The following KALRN variants were observed in gnomAD, a reference collection of about 807,000 sequenced individuals.
KALRN encodes the protein kalirin.
KALRN carries 70 observed loss-of-function variants against 353.7 expected under a neutral mutation model. The ratio of observed to expected loss-of-function variants is 0.20; its 90% CI spans 0.16 to 0.24. The LOEUF (loss-of-function observed/expected upper bound fraction) is 0.24, where lower values mean the gene tolerates loss of function less well. KALRN is among the 10% of genes least tolerant of loss of function. The probability of loss-of-function intolerance (pLI) is 1.00; values close to 1 mark genes in which losing one functional copy is unlikely to be tolerated. For missense variants in KALRN, 2,791 were observed against 3,756.7 expected (o/e 0.74, Z 6.72); for synonymous variants, 1,391 against 1,434.8 (o/e 0.97, Z 0.69).
At chr3:124,112,273 A>G (rs1328205240) in intron 1 of KALRN, among the ~76,000 whole-genome samples, 1 of 146,530 alleles carries the variant, frequency 6.8e-6, no homozygotes, top group African/African-American at 2.5e-5. Context: ...ACTGCACTCT[A>G]GCCTGGGCTA....
chr3:124,331,858 G>C (rs1223159714), intron 8 of KALRN, among the ~76,000 whole-genome samples: 1 of 152,152 alleles, frequency 6.6e-6, no homozygotes, highest in Non-Finnish European at 1.5e-5. Flanking sequence ...CCAGTGAGCT[G>C]TCCATGCTTC....
chr3:124,117,319 T>TG (rs990796618), intron 1 of KALRN, among the ~76,000 whole-genome samples: 2 of 145,952 alleles, frequency 1.4e-5, no homozygotes, highest in African/African-American at 5.6e-5. Flanking sequence ...AGAAAAACAG[T>TG]GTTTTTTTTT....
At chr3:124,239,977 T>G (rs17286876) in intron 3 of KALRN, among the ~76,000 whole-genome samples, 16,677 of 152,272 alleles carry the variant, frequency 0.11, 995 homozygotes, top group South Asian at 0.16. Context: ...TACATTTCCC[T>G]AAAACATACC....
chr3:124,561,918 A>G (rs2072080110), intron 33 of KALRN, among the ~76,000 whole-genome samples: 3 of 152,252 alleles, frequency 2.0e-5, no homozygotes, highest in Non-Finnish European at 1.5e-5. Context: ...ATATGAAGCC[A>G]GAAGAAAGGG....
intron 34 of KALRN, among the ~76,000 whole-genome samples, chr3:124,586,315 C>A (rs1265841785): frequency 6.6e-6 from 1 of 152,200 alleles, no homozygotes; most frequent in African/African-American, 2.4e-5. Flanking sequence ...GCTTTCCCCG[C>A]AAAGAGTTTC....
chr3:124,203,162 C>T (rs1339527632), intron 1 of KALRN, among the ~76,000 whole-genome samples: 1 of 152,200 alleles, frequency 6.6e-6, no homozygotes, highest in Non-Finnish European at 1.5e-5. Flanking sequence ...GGTCATCAAG[C>T]TTCCAATTAG....
At chr3:124,678,402 A>AC in intron 50 of KALRN, 89 bp downstream of exon 50, 6 of 1,191,468 alleles carry the variant, frequency 5.0e-6, no homozygotes, top group Non-Finnish European at 6.8e-6. Context: ...TGGATGGGTT[A>AC]TTTTTTTTTT....
chr3:124,539,923 G>GGA (rs1554023325), intron 33 of KALRN, among the ~76,000 whole-genome samples: 6 of 64,018 alleles, frequency 9.4e-5, no homozygotes, highest in Non-Finnish European at 1.9e-4. Flanking sequence ...AATTTTTTTT[G>GGA]GGGGGGGGGA....
At chr3:124,427,186 G>A (rs1479350227) in intron 15 of KALRN, among the ~76,000 whole-genome samples, 1 of 152,194 alleles carries the variant, frequency 6.6e-6, no homozygotes, top group Non-Finnish European at 1.5e-5. Context: ...CAGCCAACAG[G>A]ACAAGTACTA....
chr3:124,621,523 A>G (rs2079268789), intron 34 of KALRN, among the ~76,000 whole-genome samples: 1 of 152,218 alleles, frequency 6.6e-6, no homozygotes. Flanking sequence ...AAGATGGAAT[A>G]TTCTGAGCCA....
At chr3:124,104,947 A>T (rs1191371722) in intron 1 of KALRN, among the ~76,000 whole-genome samples, 1 of 152,128 alleles carries the variant, frequency 6.6e-6, no homozygotes. Context: ...GCTAAAGAAA[A>T]GGGGGCAGGT....
At chr3:124,464,869 A>C (rs894002001) in intron 25 of KALRN, among the ~76,000 whole-genome samples, 2 of 151,720 alleles carry the variant, frequency 1.3e-5, no homozygotes, top group South Asian at 2.1e-4. Flanking sequence ...AAAAAAAAAA[A>C]AAAAAAACCT....
chr3:124,294,564 C>T (rs1035390153), intron 5 of KALRN, among the ~76,000 whole-genome samples: 1 of 113,398 alleles, frequency 8.8e-6, no homozygotes, highest in African/African-American at 3.5e-5. Flanking sequence ...TCGCACTGTT[C>T]CCTGGGCTAG....
In KALRN at chr3:124,720,189, A is replaced by T. The variant is rs887565973; in HGVS notation, c.*719A>T. ...CAATGTTGCCCTTTTGAATGAGAAA[A>T]TTTTTTCTGTCAATCGCAGGTTATT... On this transcript the variant is annotated 3_prime_UTR_variant, in exon 60 of 60. Coordinates refer to ENST00000682506, the MANE Select transcript of KALRN (RefSeq NM_001388419.1). 1 of 152,388 alleles carries T rather than the reference A, an allele frequency of 6.6e-6. No individual in the cohort carries two copies. Among genetic ancestry groups the T allele is most frequent in the Non-Finnish European group, 1.5e-5 (1 of 67,990 alleles). The allele number at this position is 152,388 out of a possible 1,614,324, so 9.4% of individuals were successfully genotyped here.
chr3:124,128,378 T>C (rs1245926923), intron 1 of KALRN, among the ~76,000 whole-genome samples: 1 of 152,214 alleles, frequency 6.6e-6, no homozygotes, highest in African/African-American at 2.4e-5. Flanking sequence ...TATTAAAAGA[T>C]ATTTGGACCT....
At chr3:124,689,434 C>T (rs956624997) in intron 51 of KALRN, among the ~76,000 whole-genome samples, 2 of 152,108 alleles carry the variant, frequency 1.3e-5, no homozygotes, top group African/African-American at 4.8e-5. Context: ...TTGAACTAAG[C>T]TCAAGTGATC....
At chr3:124,661,964 C>T (rs1407515479) in intron 45 of KALRN, 36 bp downstream of exon 45, 2 of 1,544,580 alleles carry the variant, frequency 1.3e-6, no homozygotes, top group African/African-American at 1.4e-5. Context: ...CCCACTCTCT[C>T]CAGGACAATA....
chr3:124,422,430 G>A (rs1192334427), intron 14 of KALRN, among the ~76,000 whole-genome samples: 1 of 152,096 alleles, frequency 6.6e-6, no homozygotes, highest in Non-Finnish European at 1.5e-5. Context: ...CAGTCTTTTG[G>A]TTTGGTTTTT....
Position 124,678,244 on chromosome 3 carries a change from C to G in KALRN, c.7248C>G (p.Asn2416Lys). 6.2e-7 allele frequency: 1 copy of G among 1,614,070 alleles called. No individual in the cohort carries two copies. Among genetic ancestry groups the G allele is most frequent in the Non-Finnish European group, 8.5e-7 (1 of 1,179,942 alleles). The change falls in exon 50 of 60, where the codon AAC (asparagine) becomes AAG (lysine). Residue 2416 changes from asparagine (N) to lysine (K), a missense_variant. By Grantham distance (94) the Asn-to-Lys change is moderately conservative. This residue lies in a region of KALRN where 1,065 missense variants were observed against 1,156.4 expected (regional missense o/e 0.92). Transcript: ENST00000682506. The part of the protein sequence containing the change: ...LRMRKRAEVE[N>K]TGKNEATGPR... The stretch of plus-strand genomic sequence containing the variant: ...TGAGAAAGCGGGCGGAAGTGGAGAA[C>G]ACGGGTAAAAATGAAGCCACAGGGC...
Sources: gnomAD v4.1 joint callset for allele counts (sites outside exome capture counted in the v4.1 genomes callset) on GRCh38, gnomAD v4.1.1 for gene constraint, gnomAD v4.1.1 regional missense constraint, MANE v1.5 for transcripts, NCBI Gene and HGNC (gene_info 2026-07-23, HGNC 2026-07-21) for gene names.